CYLC2: variants seen among roughly 807,000 people sequenced by gnomAD.
CYLC2 encodes the protein cylicin-2.
CYLC2 carries 30 observed loss-of-function variants against 26.1 expected under a neutral mutation model. The ratio of observed to expected loss-of-function variants is 1.15; its 90% CI spans 0.86 to 1.56. The LOEUF is 1.56. CYLC2 is among the 40% of genes most tolerant of loss of function. The probability of loss-of-function intolerance (pLI) is 0.00; values close to 1 mark genes in which losing one functional copy is unlikely to be tolerated. For missense variants in CYLC2, 498 were observed against 394.4 expected, an observed-to-expected ratio of 1.26 and a Z score of -2.23; for synonymous variants, 158 against 132.8, an observed-to-expected ratio of 1.19 and a Z score of -1.31.
At chr9:103,017,686 G>A (rs1431348142) in intron 7 of CYLC2, among the ~76,000 whole-genome samples, 1 of 151,940 alleles carries the variant, frequency 6.6e-6, no homozygotes, top group Non-Finnish European at 1.5e-5. Context: ...TAGAATGTAT[G>A]CATTAGGGGT....
intron 2 of CYLC2, 123 bp downstream of exon 2, chr9:103,001,741 C>T (rs1829291434): frequency 1.6e-6 from 1 of 626,078 alleles, no homozygotes; most frequent in African/African-American, 1.9e-5. Context: ...TAACTATTTC[C>T]CAAGGAACCT....
chr9:102,999,370 C>A (rs1290826905), intron 1 of CYLC2, among the ~76,000 whole-genome samples: 1 of 151,752 alleles, frequency 6.6e-6, no homozygotes, highest in Non-Finnish European at 1.5e-5. Flanking sequence ...GCAGCTTTAA[C>A]AGTTATTATT....
At chr9:103,014,090 A>G (rs1376064011) in intron 6 of CYLC2, among the ~76,000 whole-genome samples, 1 of 119,250 alleles carries the variant, frequency 8.4e-6, no homozygotes, top group Non-Finnish European at 1.6e-5. Flanking sequence ...AATATTTAAT[A>G]TATAAAATTA....
Position 103,001,868 on chromosome 9 carries a change from A to G in CYLC2, c.58+250A>G, listed in dbSNP as rs78715810. Among the ~76,000 whole-genome samples, 883 of 152,296 alleles carry G rather than the reference A, an allele frequency of 5.8e-3. 10 individuals are homozygous for G. Among genetic ancestry groups the G allele is most frequent in the African/African-American group, 0.02 (842 of 41,570 alleles). Reference sequence around the variant, plus strand: ...CGGAAATAGTTACATGTTAGAAGTCATACAATCAGATAATCTTACAGTTGA... The same window carrying G: ...CGGAAATAGTTACATGTTAGAAGTCGTACAATCAGATAATCTTACAGTTGA... On this transcript the variant is annotated intron_variant, in intron 2 of 7. Coordinates refer to ENST00000374798, the MANE Select transcript of CYLC2 (RefSeq NM_001340.5).
At chr9:103,010,552 G>T (rs1829396336) in intron 5 of CYLC2, 1 of 152,068 alleles carries the variant, frequency 6.6e-6, no homozygotes, top group South Asian at 2.1e-4. Flanking sequence ...CCAACGTTTA[G>T]ACTGTGGTTA....
At chr9:102,997,320 A>G (rs1829248218) in intron 1 of CYLC2, among the ~76,000 whole-genome samples, 1 of 151,994 alleles carries the variant, frequency 6.6e-6, no homozygotes, top group Non-Finnish European at 1.5e-5. Flanking sequence ...ACATACACAT[A>G]GACAATTGTG....
At chr9:102,997,991 T>C (rs537674150) in intron 1 of CYLC2, among the ~76,000 whole-genome samples, 4 of 152,120 alleles carry the variant, frequency 2.6e-5, no homozygotes, top group African/African-American at 9.6e-5. Flanking sequence ...ATCCTAGTTT[T>C]CTTTTCAAAG....
intron 6 of CYLC2, among the ~76,000 whole-genome samples, chr9:103,016,439 G>A (rs981573930): frequency 2.0e-5 from 3 of 151,910 alleles, no homozygotes; most frequent in Non-Finnish European, 2.9e-5. Flanking sequence ...AATAAGACAG[G>A]ATTTTAATAA....
rs1829513456 is a variant in CYLC2, at chr9:103,016,939, A to G, written c.*868A>G. 1 of 152,020 alleles carries G rather than the reference A, an allele frequency of 6.6e-6. No individual in the cohort carries two copies. Among genetic ancestry groups the G allele is most frequent in the Non-Finnish European group, 1.5e-5 (1 of 67,976 alleles). The allele number at this position is 152,020 out of a possible 1,614,324, so 9.4% of individuals were successfully genotyped here. A position where few individuals can be genotyped will look rare whatever the true frequency, so the allele number is the denominator to read the frequency against. On this transcript the variant is annotated 3_prime_UTR_variant, in exon 7 of 8. Coordinates refer to ENST00000374798, the MANE Select transcript of CYLC2 (RefSeq NM_001340.5). ...CTGGAGAAAGTTATCACAAGTGGAA[A>G]GGTTACCCTAGAAACAAAAGATGTA...
intron 6 of CYLC2, among the ~76,000 whole-genome samples, chr9:103,013,192 AT>A (rs1564100345): frequency 3.8e-5 from 5 of 132,608 alleles, no homozygotes; most frequent in South Asian, 2.2e-4. Flanking sequence ...TATATTATAT[AT>A]AACATATTAA....
intron 6 of CYLC2, among the ~76,000 whole-genome samples, chr9:103,016,368 G>C (rs193256082): frequency 1.9e-4 from 29 of 152,102 alleles, no homozygotes; most frequent in African/African-American, 6.5e-4. Context: ...CTCTGGGACA[G>C]CTTTTCTCTC....
Position 103,003,224 on chromosome 9 carries a change from G to A in CYLC2, c.141G>A (p.Arg47=), listed in dbSNP as rs774112186. The change falls in exon 3 of 8, where the codon AGG becomes AGA. Residue 47 remains arginine (R), a synonymous_variant. Coordinates refer to ENST00000374798, the MANE Select transcript of CYLC2 (RefSeq NM_001340.5). ...FPKPQRPGTK[R]RSKPSQIRDN... ...AACCACAACGGCCAGGAACCAAAAG[G>A]AGATCAAAACCTTCTCAAATACGGG... The A allele has an allele frequency of 4.7e-5, 76 of 1,613,658 alleles. No homozygotes were observed. The highest frequency in any genetic ancestry group is 5.9e-5 in the Non-Finnish European group (70 of 1,179,848).
At chr9:103,001,261 T>C (rs1403041729) in intron 1 of CYLC2, among the ~76,000 whole-genome samples, 1 of 138,996 alleles carries the variant, frequency 7.2e-6, no homozygotes, top group Non-Finnish European at 1.6e-5. Context: ...ATGTATATTT[T>C]CAGATGTGCA....
At position 103,005,105 on chromosome 9, in the gene CYLC2, G is replaced by A. The variant is rs1829327549; in HGVS notation, c.474G>A (p.Lys158=). The change falls in exon 5 of 8, where the codon AAG becomes AAA. Residue 158 remains lysine, a synonymous_variant. Coordinates refer to ENST00000374798, the MANE Select transcript of CYLC2 (RefSeq NM_001340.5). ...EKGKEEKLDA[K]KDSKKGKKDA... ...GAAAAGAAGAAAAGCTAGATGCAAA[G>A]AAAGATAGCAAAAAAGGTAAAAAGG... is the stretch of plus-strand genomic sequence containing the variant. 2.5e-6 allele frequency: 4 copies of A among 1,606,294 alleles called. No individual in the cohort carries two copies. The highest frequency in any genetic ancestry group is 1.3e-5 in the African/African-American group (1 of 74,178).
chr9:103,005,195 T>C lies in CYLC2; in HGVS notation c.564T>C (p.Asp188=), dbSNP rs2118238782. Residue 188 remains aspartate, a synonymous_variant, in exon 5 of 8, where the codon GAT becomes GAC. Coordinates refer to ENST00000374798, the MANE Select transcript of CYLC2 (RefSeq NM_001340.5). ...ATGAAAAAGGAGGTGCAAAGAAAGATAACAAAAAAGATAAAAAGGATTCAA... is the reference window on the plus strand; with the variant it reads ...ATGAAAAAGGAGGTGCAAAGAAAGACAACAAAAAAGATAAAAAGGATTCAA... ...SEDEKGGAKK[D]NKKDKKDSNK... The C allele has an allele frequency of 1.2e-6, 2 of 1,605,158 alleles. No homozygotes were observed. The highest frequency in any genetic ancestry group is 1.7e-4 in the Middle Eastern group (1 of 5,984).
intron 6 of CYLC2, among the ~76,000 whole-genome samples, chr9:103,016,586 A>G (rs1013220679): frequency 6.6e-6 from 1 of 151,978 alleles, no homozygotes; most frequent in Non-Finnish European, 1.5e-5. Context: ...AGGAGCCACT[A>G]TTTTTTAATC....
At chr9:102,996,656 C>T (rs1005993947) in intron 1 of CYLC2, among the ~76,000 whole-genome samples, 6 of 151,886 alleles carry the variant, frequency 4.0e-5, no homozygotes, top group African/African-American at 7.2e-5. Context: ...AATTAATTTT[C>T]GACTCCATTT....
In CYLC2 at chr9:103,005,521, C is replaced by T. The variant is rs138337835; in HGVS notation, c.890C>T (p.Thr297Met). ...AAGAAAGAGTCTAAGAAGGACGCCA[C>T]GAAAGATGCCAAGAAAGTTGCCAAG... is the stretch of plus-strand genomic sequence containing the variant. ...DVKKESKKDA[T>M]KDAKKVAKKD... The change falls in exon 5 of 8, where the codon ACG becomes ATG. Residue 297 changes from threonine (T) to methionine (M), a missense_variant. Thr to Met is a moderately conservative substitution (Grantham distance 81, BLOSUM62 -1). Coordinates refer to ENST00000374798, the MANE Select transcript of CYLC2 (RefSeq NM_001340.5). 178 of 1,611,650 alleles carry T rather than the reference C, an allele frequency of 1.1e-4. 1 individual carries two copies. In the African/African-American group the frequency reaches 1.4e-3, roughly 13 times the overall value.
intron 3 of CYLC2, 131 bp downstream of exon 3, chr9:103,003,394 G>A: frequency 3.7e-6 from 3 of 820,422 alleles, no homozygotes; most frequent in Non-Finnish European, 5.5e-6. Context: ...ATGTATAGTT[G>A]TATGTGTTAT....
Sources: allele counts gnomAD v4.1 joint callset (sites outside exome capture counted in the v4.1 genomes callset), GRCh38; gene constraint gnomAD v4.1.1; transcripts MANE v1.5; gene names NCBI Gene and HGNC (gene_info 2026-07-23, HGNC 2026-07-21).